LAMB4: variants seen among roughly 807,000 people sequenced by gnomAD.
The protein encoded by LAMB4 is laminin subunit beta-4.
A neutral mutation model predicts 199.2 loss-of-function variants in LAMB4; 196 were observed. That is an observed-to-expected ratio of 0.98 (90% CI 0.88 to 1.11). The LOEUF is 1.11. LAMB4 is among the 50% of genes least tolerant of loss of function. The pLI is 0.00. For missense variants in LAMB4, 2,080 were observed against 2,171.2 expected, an observed-to-expected ratio of 0.96 and a Z score of 0.83; for synonymous variants, 744 against 770.6, an observed-to-expected ratio of 0.97 and a Z score of 0.57.
At chr7:108,055,480 C>T (rs1171258664) in intron 25 of LAMB4, 152 bp downstream of exon 25, 8 of 864,694 alleles carry the variant, frequency 9.3e-6, no homozygotes, top group South Asian at 6.7e-5. Context: ...AGCTATGGCG[C>T]CCGGCCCAGC....
chr7:108,076,281 G>C (rs572264258), intron 17 of LAMB4, among the ~76,000 whole-genome samples: 2 of 152,244 alleles, frequency 1.3e-5, no homozygotes, highest in East Asian at 3.9e-4. Flanking sequence ...GCCTGGGTCT[G>C]AAGGGCTGCA....
intron 14 of LAMB4, among the ~76,000 whole-genome samples, chr7:108,087,181 A>G (rs1056373445): frequency 1.3e-5 from 2 of 152,182 alleles, no homozygotes; most frequent in Admixed American, 6.5e-5. Context: ...TGAAGTCCAT[A>G]TCATGTTACA....
chr7:108,017,715 A>G, the LAMB4 span, among the ~76,000 whole-genome samples: 19 of 152,288 alleles, frequency 1.2e-4, no homozygotes, highest in African/African-American at 4.3e-4. Flanking sequence ...GGTTTGGGAG[A>G]GAGATGACAA....
rs544736809 is a variant in LAMB4, at chr7:108,060,927, G to A, written c.3282+1847C>T. On this transcript the variant is annotated intron_variant, in intron 23 of 33. Coordinates refer to ENST00000388781, the MANE Select transcript of LAMB4 (RefSeq NM_007356.3). ...CTTCCGTAGAGCACAGTAGAAGAAG[G>A]AGGAAAAAGAGTAACTTGATGATAT... Among the ~76,000 whole-genome samples the A allele has an allele frequency of 3.9e-5, 6 of 152,302 alleles. No homozygotes were observed. In the East Asian group the frequency reaches 1.2e-3, roughly 29 times the overall value.
In LAMB4 at chr7:108,078,355, T is replaced by G. The variant is rs200316512; in HGVS notation, c.1888-39A>C. 85 of 1,298,448 alleles carry G rather than the reference T, an allele frequency of 6.5e-5. No homozygotes were observed. The African/African-American group carries it at 1.1e-3, about 17-fold the overall frequency. 80.4% of individuals were successfully genotyped at this position (1,298,448 alleles called of 1,614,324 possible). A position where few individuals can be genotyped will look rare whatever the true frequency, so the allele number is the denominator to read the frequency against. ...ACATTAAGGCATGTCACTGCAAGGA[T>G]GCAGGAAAATGTTTTGCACGTACAC... On this transcript the variant is annotated intron_variant, in intron 15 of 33. Transcript: ENST00000388781.
intron 33 of LAMB4, chr7:108,026,861 G>A (rs750808536): frequency 3.9e-6 from 2 of 516,524 alleles, no homozygotes; most frequent in South Asian, 1.4e-5. Context: ...GCAGCATGGG[G>A]AAGACAGCCA....
rs747070417 is a variant in LAMB4 at position 108,065,885 on chromosome 7, C to T, written c.2713G>A (p.Gly905Arg). The change falls in exon 21 of 34, where the codon GGA (glycine) becomes AGA (arginine). Residue 905 changes from glycine to arginine, a missense_variant. Coordinates refer to ENST00000388781, the MANE Select transcript of LAMB4 (RefSeq NM_007356.3). ...CACAGGCAAGGACGACAGGGCTGTCCTGAAGAAGGATTTCCATAGTAACCA... is the reference window on the plus strand; with the variant it reads ...CACAGGCAAGGACGACAGGGCTGTCTTGAAGAAGGATTTCCATAGTAACCA... ...IDGYYGNPSS[G>R]QPCRPCLCPD... 13 of 1,614,060 alleles carry T rather than the reference C, an allele frequency of 8.1e-6. 1 individual carries two copies. Among genetic ancestry groups the T allele is most frequent in the Middle Eastern group, 1.6e-4 (1 of 6,062 alleles).
At chr7:108,093,009 T>C (rs1306599935) in intron 12 of LAMB4, among the ~76,000 whole-genome samples, 1 of 152,196 alleles carries the variant, frequency 6.6e-6, no homozygotes, top group Non-Finnish European at 1.5e-5. Context: ...TCAGTTATGC[T>C]CAATCTGGGT....
chr7:108,035,311 C>A (rs769450903), intron 30 of LAMB4, among the ~76,000 whole-genome samples: 27 of 152,098 alleles, frequency 1.8e-4, no homozygotes, highest in Non-Finnish European at 4.0e-4. Flanking sequence ...GAGGCTGAGG[C>A]AGGTGGATCA....
chr7:108,085,888 C>T (rs1364671303), intron 14 of LAMB4, among the ~76,000 whole-genome samples: 2 of 152,216 alleles, frequency 1.3e-5, no homozygotes, highest in African/African-American at 4.8e-5. Context: ...GCTGGGATTA[C>T]AGGCGTGAGC....
intron 12 of LAMB4, 73 bp from the exon 13 acceptor site, chr7:108,092,489 C>T: frequency 8.8e-7 from 1 of 1,136,100 alleles, no homozygotes; most frequent in Non-Finnish European, 1.3e-6. Context: ...ACTGAAATCA[C>T]TACAATGCAA....
intron 30 of LAMB4, among the ~76,000 whole-genome samples, chr7:108,037,040 A>G (rs544292504): frequency 6.6e-6 from 1 of 152,106 alleles, no homozygotes; most frequent in Admixed American, 6.5e-5. Context: ...AATACCAAAC[A>G]TAGATAAATA....
intron 12 of LAMB4, among the ~76,000 whole-genome samples, chr7:108,094,227 C>A (rs1584738790): frequency 6.6e-6 from 1 of 152,248 alleles, no homozygotes; most frequent in East Asian, 1.9e-4. Flanking sequence ...TAAGCTTTGT[C>A]TGGAATTACA....
intron 23 of LAMB4, among the ~76,000 whole-genome samples, chr7:108,061,642 C>T (rs957731839): frequency 6.0e-5 from 9 of 150,108 alleles, no homozygotes; most frequent in South Asian, 4.2e-4. Context: ...AGGAGGCTGA[C>T]GCAGGAGAAT....
intron 14 of LAMB4, among the ~76,000 whole-genome samples, chr7:108,087,484 C>T (rs1167760334): frequency 6.6e-6 from 1 of 152,184 alleles, no homozygotes; most frequent in African/African-American, 2.4e-5. Context: ...AATGAACTAA[C>T]CTAAAAACAA....
Position 108,034,321 on chromosome 7 carries a change from G to T in LAMB4, c.4705C>A (p.Leu1569Ile). 6.2e-7 allele frequency: 1 copy of T among 1,610,684 alleles called. No homozygotes were observed. Among genetic ancestry groups the T allele is most frequent in the Non-Finnish European group, 8.5e-7 (1 of 1,176,940 alleles). ...AEKAANILLN[L>I]DKTLNQLQQA... The stretch of plus-strand genomic sequence containing the variant: ...TGTAACTGGTTCAATGTTTTGTCAA[G>T]ATTTAATAGAATATTTGCTGCTTTC... Residue 1569 changes from leucine (L) to isoleucine (I), a missense_variant, in exon 31 of 34, where the codon CTT becomes ATT. Leu to Ile is a conservative substitution (Grantham distance 5, BLOSUM62 2). Coordinates refer to ENST00000388781, the MANE Select transcript of LAMB4 (RefSeq NM_007356.3).
At chr7:108,069,577 G>A in intron 18 of LAMB4, 131 bp downstream of exon 18, 2 of 757,864 alleles carry the variant, frequency 2.6e-6, no homozygotes, top group Non-Finnish European at 4.3e-6. Flanking sequence ...AGACCACTCT[G>A]TGTATCTAAT....
At chr7:108,034,781 G>C (rs2035166013) in intron 30 of LAMB4, among the ~76,000 whole-genome samples, 1 of 152,086 alleles carries the variant, frequency 6.6e-6, no homozygotes, top group Non-Finnish European at 1.5e-5. Context: ...GCATTTTTAG[G>C]CTTGTTTATT....
chr7:108,070,277 A>G (rs933296680), intron 17 of LAMB4, among the ~76,000 whole-genome samples: 1 of 152,160 alleles, frequency 6.6e-6, no homozygotes, highest in African/African-American at 2.4e-5. Context: ...CATCTCCTCT[A>G]GTCTTCTTTT....
Sources: gnomAD v4.1 joint callset for allele counts (sites outside exome capture counted in the v4.1 genomes callset) on GRCh38, gnomAD v4.1.1 for gene constraint, MANE v1.5 for transcripts, NCBI Gene and HGNC (gene_info 2026-07-23, HGNC 2026-07-21) for gene names.